The following HCN1 variants were observed in gnomAD, a reference collection of about 807,000 sequenced individuals.
The protein encoded by HCN1 is hyperpolarization activated cyclic nucleotide gated potassium channel 1, also known as potassium/sodium hyperpolarization-activated cyclic nucleotide-gated channel 1.
A neutral mutation model predicts 78.9 loss-of-function variants in HCN1; 13 were observed. The ratio of observed to expected loss-of-function variants is 0.16; its 90% CI spans 0.11 to 0.26. HCN1 has a LOEUF of 0.26. Among genes scored for constraint, HCN1 ranks in the 10% least tolerant of loss-of-function variants. The pLI is 1.00. For missense variants in HCN1, 810 were observed against 1,154.3 expected (o/e 0.70, Z 4.32); for synonymous variants, 552 against 455.5 (o/e 1.21, Z -2.70).
At chr5:45,352,824 TG>T (rs1379794152) in intron 5 of HCN1, among the ~76,000 whole-genome samples, 1 of 151,596 alleles carries the variant, frequency 6.6e-6, no homozygotes, top group Non-Finnish European at 1.5e-5. Context: ...GGGAGAAAAA[TG>T]GGGACAATAT....
chr5:45,498,312 A>C lies in HCN1; in HGVS notation c.850-36305T>G, dbSNP rs370877800. Among the ~76,000 whole-genome samples, 51 of 151,642 alleles carry C rather than the reference A, an allele frequency of 3.4e-4. 1 individual carries two copies. The East Asian group carries it at 7.8e-3, about 23-fold the overall frequency. ...TTTTATTCTTTTTTCTCTAAACTTC[A>C]CTTCTCGCTTCATTTCATTCATTTC... On this transcript the variant is annotated intron_variant, in intron 2 of 7. Coordinates refer to ENST00000303230, the MANE Select transcript of HCN1 (RefSeq NM_021072.4).
intron 2 of HCN1, among the ~76,000 whole-genome samples, chr5:45,611,608 A>C (rs1744838958): frequency 6.6e-6 from 1 of 152,068 alleles, no homozygotes; most frequent in Non-Finnish European, 1.5e-5. Flanking sequence ...ATAAATATTT[A>C]TTAGTTTTAT....
intron 4 of HCN1, among the ~76,000 whole-genome samples, chr5:45,358,703 G>T (rs758861922): frequency 1.3e-5 from 2 of 152,076 alleles, no homozygotes; most frequent in South Asian, 4.1e-4. Flanking sequence ...TGGCTGTTCA[G>T]AGGGCCTGCA....
intron 6 of HCN1, among the ~76,000 whole-genome samples, chr5:45,301,178 A>T (rs1433726762): frequency 6.6e-6 from 1 of 152,022 alleles, no homozygotes; most frequent in Non-Finnish European, 1.5e-5. Context: ...CATATTATTA[A>T]GGAATCATTT....
intron 6 of HCN1, among the ~76,000 whole-genome samples, chr5:45,285,895 C>G (rs115955655): frequency 0.01 from 1,560 of 152,020 alleles, 31 homozygotes; most frequent in African/African-American, 0.036. Flanking sequence ...TTATGATTAT[C>G]TTATAAACAA....
At chr5:45,375,121 T>TATATATAATATATTTTATAATATATA (rs1747580796) in intron 4 of HCN1, among the ~76,000 whole-genome samples, 1 of 121,414 alleles carries the variant, frequency 8.2e-6, no homozygotes, top group African/African-American at 3.2e-5. Context: ...TATAATATAT[T>TATATATAATATATTTTATAATATATA]ATATATAATA....
At chr5:45,431,011 G>A (rs541790712) in intron 3 of HCN1, among the ~76,000 whole-genome samples, 2 of 152,182 alleles carry the variant, frequency 1.3e-5, no homozygotes, top group East Asian at 1.9e-4. Flanking sequence ...AGTTCTTTGA[G>A]GAATTGCTAC....
rs575553112 is a variant in HCN1 at position 45,538,970 on chromosome 5, A to G, written c.850-76963T>C. On this transcript the variant is annotated intron_variant, in intron 2 of 7. Coordinates refer to ENST00000303230, the MANE Select transcript of HCN1 (RefSeq NM_021072.4). ...CCAGTGGGCTCTCTTTCCTTTCTCAATGAAACAATCGATATTTTTCCCCAT... is the reference window on the plus strand; with the variant it reads ...CCAGTGGGCTCTCTTTCCTTTCTCAGTGAAACAATCGATATTTTTCCCCAT... Among the ~76,000 whole-genome samples the G allele has an allele frequency of 3.9e-5, 6 of 152,276 alleles. 1 individual carries two copies. In the South Asian group the frequency reaches 1.0e-3, roughly 26 times the overall value.
intron 3 of HCN1, among the ~76,000 whole-genome samples, chr5:45,435,292 T>C (rs1740540872): frequency 2.0e-5 from 3 of 152,258 alleles, no homozygotes; most frequent in South Asian, 4.1e-4. Context: ...TTTATTCTTC[T>C]GATATATCTC....
intron 5 of HCN1, among the ~76,000 whole-genome samples, chr5:45,335,372 G>T (rs558672432): frequency 3.9e-4 from 60 of 152,142 alleles, no homozygotes; most frequent in Non-Finnish European, 6.6e-4. Context: ...TAAATATACT[G>T]CCAGCATTTA....
At chr5:45,576,959 A>T (rs1195143216) in intron 2 of HCN1, among the ~76,000 whole-genome samples, 1 of 152,032 alleles carries the variant, frequency 6.6e-6, no homozygotes, top group African/African-American at 2.4e-5. Context: ...CTCTATGCAA[A>T]CTTAAAGCAT....
chr5:45,276,796 T>A (rs918823740), intron 6 of HCN1, among the ~76,000 whole-genome samples: 1 of 152,066 alleles, frequency 6.6e-6, no homozygotes, highest in African/African-American at 2.4e-5. Flanking sequence ...ATTCTGTACA[T>A]CATTGGTGAC....
intron 3 of HCN1, 48 bp downstream of exon 3, chr5:45,461,798 T>G (rs1741166304): frequency 6.7e-7 from 1 of 1,491,444 alleles, no homozygotes; most frequent in Admixed American, 1.7e-5. Context: ...TAAAAGGTTT[T>G]GGCACAACGT....
intron 2 of HCN1, among the ~76,000 whole-genome samples, chr5:45,582,547 C>G (rs1744104343): frequency 6.6e-6 from 1 of 152,220 alleles, no homozygotes; most frequent in Admixed American, 6.5e-5. Context: ...GCCAGAACTT[C>G]CAACACTATG....
intron 2 of HCN1, among the ~76,000 whole-genome samples, chr5:45,531,128 T>G (rs1168750056): frequency 6.6e-6 from 1 of 152,094 alleles, no homozygotes; most frequent in Non-Finnish European, 1.5e-5. Flanking sequence ...TGCTTACAAT[T>G]GTATCATTAC....
At chr5:45,620,454 T>C (rs1745035973) in intron 2 of HCN1, among the ~76,000 whole-genome samples, 3 of 151,970 alleles carry the variant, frequency 2.0e-5, no homozygotes, top group African/African-American at 7.2e-5. Context: ...TACTATTCTA[T>C]AAATCTAAAA....
chr5:45,288,437 C>T lies in HCN1; in HGVS notation c.1618+15162G>A, dbSNP rs111662082. Among the ~76,000 whole-genome samples, 199 of 152,090 alleles carry T rather than the reference C, an allele frequency of 1.3e-3. 1 individual carries two copies. Among genetic ancestry groups the T allele is most frequent in the African/African-American group, 4.8e-3 (198 of 41,510 alleles). On this transcript the variant is annotated intron_variant, in intron 6 of 7. Coordinates refer to ENST00000303230, the MANE Select transcript of HCN1 (RefSeq NM_021072.4). ...GAATACACCCTTCAAGAGTCCCATTCTAACGGAATCATTGGTCTGAAAGGG... is the reference window on the plus strand; with the variant it reads ...GAATACACCCTTCAAGAGTCCCATTTTAACGGAATCATTGGTCTGAAAGGG...
intron 2 of HCN1, among the ~76,000 whole-genome samples, chr5:45,532,877 A>G (rs2111806690): frequency 6.6e-6 from 1 of 152,340 alleles, no homozygotes; most frequent in South Asian, 2.1e-4. Context: ...AACTTTGTGA[A>G]GAAAAATTTG....
intron 2 of HCN1, among the ~76,000 whole-genome samples, chr5:45,578,610 G>T (rs1265785075): frequency 1.3e-5 from 2 of 151,910 alleles, no homozygotes; most frequent in African/African-American, 2.4e-5. Context: ...ACAGTACGGA[G>T]CATTCACTTT....
Sources: allele counts gnomAD v4.1 joint callset (sites outside exome capture counted in the v4.1 genomes callset), GRCh38; gene constraint gnomAD v4.1.1; transcripts MANE v1.5; gene names NCBI Gene and HGNC (gene_info 2026-07-23, HGNC 2026-07-21).